TGM3: variants seen among roughly 807,000 people sequenced by gnomAD.
The protein encoded by TGM3 is protein-glutamine gamma-glutamyltransferase E.
TGM3 carries 52 observed loss-of-function variants against 73.8 expected under a neutral mutation model. The ratio of observed to expected loss-of-function variants is 0.70; its 90% CI spans 0.56 to 0.89. The LOEUF (loss-of-function observed/expected upper bound fraction) is 0.89, where lower values mean the gene tolerates loss of function less well. Among genes scored for constraint, TGM3 ranks in the 40% least tolerant of loss-of-function variants. The pLI, the probability that TGM3 is intolerant of heterozygous loss-of-function variation, is 0.00. For synonymous variants in TGM3, 372 were observed against 354.9 expected (o/e 1.05, Z -0.54); for missense variants, 928 against 909.9 (o/e 1.02, Z -0.26).
rs6082758 is a variant in TGM3, at chr20:2,334,795, A to T, written c.1643-321A>T. Among the ~76,000 whole-genome samples the T allele has an allele frequency of 7.1e-4, 108 of 152,300 alleles. No homozygotes were observed. Among genetic ancestry groups the T allele is most frequent in the African/African-American group, 1.5e-3 (61 of 41,560 alleles). ...CCCATCTCTACAAATAATTTAAAAA[A>T]TTTTAAAAAAAAAGGACACTTGCCC... On this transcript the variant is annotated intron_variant, in intron 10 of 12. Coordinates refer to ENST00000381458, the MANE Select transcript of TGM3 (RefSeq NM_003245.4). The surrounding 1 kb of genome is among the most constrained non-coding windows in gnomAD (Gnocchi z 4.0).
chr20:2,331,966 A>C, intron 9 of TGM3, 36 bp from the exon 10 acceptor site: 6 of 1,564,864 alleles, frequency 3.8e-6, no homozygotes, highest in Non-Finnish European at 5.2e-6. Context: ...TTGCCATCAC[A>C]TCCCTGGCAT....
At chr20:2,311,199 G>A (rs1411402566) in intron 4 of TGM3, 70 bp downstream of exon 4, 1 of 1,272,384 alleles carries the variant, frequency 7.9e-7, no homozygotes, top group Non-Finnish European at 1.1e-6. Context: ...TTGCCCCACA[G>A]ATCAATGGGA....
At chr20:2,310,540 C>A (rs957632016) in intron 3 of TGM3, 123 bp downstream of exon 3, 4 of 1,461,674 alleles carry the variant, frequency 2.7e-6, no homozygotes, top group Non-Finnish European at 3.7e-6. Context: ...GTGGAAAGGG[C>A]GCAGAAGCTA....
chr20:2,336,266 T>C (rs1170152594), intron 11 of TGM3, among the ~76,000 whole-genome samples: 1 of 151,964 alleles, frequency 6.6e-6, no homozygotes, highest in East Asian at 1.9e-4. Context: ...GGAGTATAGG[T>C]CTGAAGGGTA....
At position 2,304,663 on chromosome 20, in the gene TGM3, T is replaced by TTAG. The variant is rs2084168323; in HGVS notation, c.8-4992_8-4991insGTA. ...CACCATTTTTTCTTCCAGACTACTCTTAATACTTCTTAACCGCCAAATGTG... is the reference window on the plus strand; with the variant it reads ...CACCATTTTTTCTTCCAGACTACTCTTAGTAATACTTCTTAACCGCCAAATGTG... On this transcript the variant is annotated intron_variant, in intron 1 of 12. Transcript: ENST00000381458. 2.6e-5 allele frequency among the ~76,000 whole-genome samples: 4 copies of TTAG among 152,324 alleles called. No homozygotes were observed. In the South Asian group the frequency reaches 8.3e-4, roughly 32 times the overall value.
intron 7 of TGM3, among the ~76,000 whole-genome samples, chr20:2,324,279 T>C (rs1193849550): frequency 6.6e-6 from 1 of 152,244 alleles, no homozygotes; most frequent in Non-Finnish European, 1.5e-5. Flanking sequence ...GTTATGAGCA[T>C]ATTTTCCTTT....
intron 1 of TGM3, among the ~76,000 whole-genome samples, chr20:2,308,766 A>G (rs767378455): frequency 2.0e-5 from 3 of 152,160 alleles, no homozygotes; most frequent in Non-Finnish European, 4.4e-5. Flanking sequence ...AAAAGTAAAC[A>G]TTTGCTGGAT....
Position 2,332,053 on chromosome 20 carries a change from C to A in TGM3, c.1385C>A (p.Pro462His). The A allele has an allele frequency of 6.2e-7, 1 of 1,613,954 alleles. No homozygotes were observed. The highest frequency in any genetic ancestry group is 8.5e-7 in the Non-Finnish European group (1 of 1,179,878). The change falls in exon 10 of 13, where the codon CCC (proline) becomes CAC (histidine). Residue 462 changes from proline (P) to histidine (H), a missense_variant. Coordinates refer to ENST00000381458, the MANE Select transcript of TGM3 (RefSeq NM_003245.4). The surrounding 1 kb of genome is among the most constrained non-coding windows in gnomAD (Gnocchi z 4.4). ...CAAAAGGCTTTGGGGAAACTTAAAC[C>A]CAACACGCCATTTGCCGCGACGTCT... ...VFQKALGKLK[P>H]NTPFAATSSM...
intron 11 of TGM3, among the ~76,000 whole-genome samples, chr20:2,339,117 A>G (rs1378382363): frequency 6.6e-6 from 1 of 152,244 alleles, no homozygotes. Context: ...TTAGAAGGAC[A>G]TTGGTAGACT....
intron 7 of TGM3, among the ~76,000 whole-genome samples, chr20:2,319,354 G>T (rs1255082333): frequency 6.6e-6 from 1 of 152,174 alleles, no homozygotes; most frequent in Non-Finnish European, 1.5e-5. Flanking sequence ...GTGCTGTTAG[G>T]AGGCACGGGG....
At chr20:2,307,520 C>A (rs985212160) in intron 1 of TGM3, among the ~76,000 whole-genome samples, 29 of 152,194 alleles carry the variant, frequency 1.9e-4, no homozygotes, top group Admixed American at 1.3e-4. Flanking sequence ...CAAGGCCCAG[C>A]ATTTTCAGTG....
At position 2,328,466 on chromosome 20, in the gene TGM3, C is replaced by T; in HGVS notation, c.1333+101C>T. 3 of 1,491,796 alleles carry T rather than the reference C, an allele frequency of 2.0e-6. No individual in the cohort carries two copies. Among genetic ancestry groups the T allele is most frequent in the Non-Finnish European group, 2.7e-6 (3 of 1,103,954 alleles). 92.4% of individuals were successfully genotyped at this position (1,491,796 alleles called of 1,614,324 possible). A position where few individuals can be genotyped will look rare whatever the true frequency, so the allele number is the denominator to read the frequency against. ...AAAGTCCTCACCTCCCCCGCACTGG[C>T]AGCCAGTTCTGCCTGAATGATAGGA... On this transcript the variant is annotated intron_variant, in intron 9 of 12. Coordinates refer to ENST00000381458, the MANE Select transcript of TGM3 (RefSeq NM_003245.4). The surrounding 1 kb of genome is among the most constrained non-coding windows in gnomAD (Gnocchi z 5.2).
rs182697627 is a variant in TGM3, at chr20:2,317,458, C to T, written c.956C>T (p.Pro319Leu). 6.2e-7 allele frequency: 1 copy of T among 1,614,232 alleles called. No individual in the cohort carries two copies. Among genetic ancestry groups the T allele is most frequent in the Admixed American group, 1.7e-5 (1 of 60,036 alleles). ...GTGTACTACGACCCCATGGGAAACCCCCTGGACAAGGGTAGTGATAGCGTA... is the reference window on the plus strand; with the variant it reads ...GTGTACTACGACCCCATGGGAAACCTCCTGGACAAGGGTAGTGATAGCGTA... ...VDVYYDPMGNPLDKGSDSVWN... is the reference protein window; with the variant it reads ...VDVYYDPMGNLLDKGSDSVWN... Residue 319 changes from proline to leucine, a missense_variant, in exon 7 of 13, where the codon CCC (proline) becomes CTC (leucine). Pro to Leu is a moderately conservative substitution (Grantham distance 98). Coordinates refer to ENST00000381458, the MANE Select transcript of TGM3 (RefSeq NM_003245.4).
At chr20:2,305,499 T>C (rs2084172227) in intron 1 of TGM3, among the ~76,000 whole-genome samples, 1 of 152,364 alleles carries the variant, frequency 6.6e-6, no homozygotes, top group Middle Eastern at 3.4e-3. Context: ...CTGGTCTCTC[T>C]GAGCCTTTGT....
chr20:2,322,835 A>G lies in TGM3; in HGVS notation c.984-3014A>G, dbSNP rs545901169. On this transcript the variant is annotated intron_variant, in intron 7 of 12. Coordinates refer to ENST00000381458, the MANE Select transcript of TGM3 (RefSeq NM_003245.4). ...ATCATCCAACTTACATATATTTTCT[A>G]ATTATAGAAGTAATGAGTAATTGAC... 6.6e-5 allele frequency among the ~76,000 whole-genome samples: 10 copies of G among 152,360 alleles called. No homozygotes were observed. In the South Asian group the frequency reaches 2.1e-3, roughly 32 times the overall value.
chr20:2,330,697 C>T (rs942804274), intron 9 of TGM3, among the ~76,000 whole-genome samples: 1 of 152,118 alleles, frequency 6.6e-6, no homozygotes, highest in Non-Finnish European at 1.5e-5. Flanking sequence ...CTTGCTGTAT[C>T]GTAAAATGCT....
chr20:2,296,179 G>A, intron 1 of TGM3, 109 bp downstream of exon 1: 3 of 1,368,834 alleles, frequency 2.2e-6, no homozygotes, highest in Non-Finnish European at 3.0e-6. Flanking sequence ...TGCCTTGGGG[G>A]CTCTGAAGGC....
chr20:2,310,401 T>A lies in TGM3; in HGVS notation c.405T>A (p.Phe135Leu). 6.2e-7 allele frequency: 1 copy of A among 1,614,224 alleles called. No homozygotes were observed. The highest frequency in any genetic ancestry group is 1.1e-5 in the South Asian group (1 of 91,088). Residue 135 changes from phenylalanine (F) to leucine (L), a missense_variant, in exon 3 of 13, where the codon TTT (phenylalanine) becomes TTA (leucine). Physicochemically the swap from Phe to Leu is conservative, Grantham distance 22 (BLOSUM62 0). Transcript: ENST00000381458. ...SVKLGTFILL[F>L]NPWLNVDSVF... ...AACTTGGGACGTTCATACTGCTTTT[T>A]AACCCCTGGCTGAATGGTAGGTGTC...
At chr20:2,309,621 C>T (rs2084192028) in intron 1 of TGM3, 36 bp from the exon 2 acceptor site, 1 of 1,609,638 alleles carries the variant, frequency 6.2e-7, no homozygotes, top group South Asian at 1.1e-5. Context: ...CATCCCTTGC[C>T]TCCTAGGACT....
Sources: allele counts gnomAD v4.1 joint callset (sites outside exome capture counted in the v4.1 genomes callset), GRCh38; gene constraint gnomAD v4.1.1; non-coding constraint Gnocchi (gnomAD v3.1); transcripts MANE v1.5; gene names NCBI Gene and HGNC (gene_info 2026-07-23, HGNC 2026-07-21).